The following SEMA3A variants were observed in gnomAD, a reference collection of about 807,000 sequenced individuals.
SEMA3A encodes the protein semaphorin-3A.
Under a neutral mutation model 97.9 loss-of-function variants are expected in SEMA3A, and 29 were observed. That is an observed-to-expected ratio of 0.30 (90% CI 0.22 to 0.40). The LOEUF (loss-of-function observed/expected upper bound fraction) is 0.40. Among genes scored for constraint, SEMA3A ranks in the 10% least tolerant of loss-of-function variants. The probability of loss-of-function intolerance (pLI) is 1.00; values close to 1 mark genes in which losing one functional copy is unlikely to be tolerated. For synonymous variants in SEMA3A, 321 were observed against 323.7 expected, an observed-to-expected ratio of 0.99 and a Z score of 0.09; for missense variants, 763 against 951.3, an observed-to-expected ratio of 0.80 and a Z score of 2.60.
intron 3 of SEMA3A, among the ~76,000 whole-genome samples, chr7:84,267,310 C>T (rs935938218): frequency 1.3e-5 from 2 of 152,244 alleles, no homozygotes; most frequent in South Asian, 4.1e-4. Context: ...TTTCATGACT[C>T]TCTTACCCTT....
At chr7:84,027,834 AAT>A (rs145288200) in intron 6 of SEMA3A, among the ~76,000 whole-genome samples, 7,296 of 152,236 alleles carry the variant, frequency 0.048, 282 homozygotes, top group East Asian at 0.19. Context: ...TTATAAAGAT[AAT>A]AGAGCTGATA....
Position 83,961,323 on chromosome 7 carries a change from T to G in SEMA3A, c.*48A>C. On this transcript the variant is annotated 3_prime_UTR_variant, in exon 17 of 17. Coordinates refer to ENST00000265362, the MANE Select transcript of SEMA3A (RefSeq NM_006080.3). ...ATATTGCATTTGTTTTTCCAGTTAT[T>G]GTCTAGGCAAGTTTCTACTTGTTTG... 1 of 1,458,836 alleles carries G rather than the reference T, an allele frequency of 6.9e-7. No homozygotes were observed. The highest frequency in any genetic ancestry group is 2.3e-5 in the East Asian group (1 of 44,108). 90.4% of individuals were successfully genotyped at this position (1,458,836 alleles called of 1,614,324 possible).
intron 3 of SEMA3A, among the ~76,000 whole-genome samples, chr7:84,228,458 C>T (rs537184281): frequency 6.6e-6 from 1 of 152,074 alleles, no homozygotes; most frequent in Non-Finnish European, 1.5e-5. Context: ...ATTTGCCCAT[C>T]CAAAACCTCT....
chr7:84,085,681 TA>T (rs995272649), intron 4 of SEMA3A, among the ~76,000 whole-genome samples: 42 of 152,314 alleles, frequency 2.8e-4, no homozygotes, highest in African/African-American at 1.0e-3. Context: ...TAATTTCCTC[TA>T]AAACACCCTT....
intron 4 of SEMA3A, among the ~76,000 whole-genome samples, chr7:84,109,014 A>C (rs12707613): frequency 0.49 from 73,808 of 151,538 alleles, 19,129 homozygotes; most frequent in East Asian, 0.7. Flanking sequence ...TCATGTAAAA[A>C]GTGCAATATC....
chr7:84,449,529 T>C (rs1358428939), intron 1 of SEMA3A, among the ~76,000 whole-genome samples: 2 of 152,124 alleles, frequency 1.3e-5, no homozygotes, highest in Non-Finnish European at 2.9e-5. Flanking sequence ...AATAAGAGGA[T>C]ATAGTGAACA....
chr7:84,014,119 T>G, intron 7 of SEMA3A, 90 bp downstream of exon 7: 1 of 1,041,012 alleles, frequency 9.6e-7, no homozygotes, highest in Admixed American at 2.4e-5. Flanking sequence ...CCATAATTTT[T>G]ATTGTATATG....
At chr7:84,138,060 T>C (rs1409711383) in intron 1 of SEMA3A, among the ~76,000 whole-genome samples, 1 of 152,126 alleles carries the variant, frequency 6.6e-6, no homozygotes, top group African/African-American at 2.4e-5. Flanking sequence ...TGAAATTAGA[T>C]AATGCCTATA....
chr7:84,094,269 C>T (rs749597186), intron 4 of SEMA3A, among the ~76,000 whole-genome samples: 3 of 151,812 alleles, frequency 2.0e-5, no homozygotes, highest in East Asian at 1.9e-4. Flanking sequence ...TTGAGGCAAA[C>T]GTCCTTCTTT....
chr7:84,057,722 A>G (rs1010471420), intron 5 of SEMA3A, among the ~76,000 whole-genome samples: 1 of 151,648 alleles, frequency 6.6e-6, no homozygotes, highest in Non-Finnish European at 1.5e-5. Context: ...CTGAGATGCC[A>G]CTGCACTCCA....
At chr7:84,112,151 T>A (rs537442815) in intron 3 of SEMA3A, among the ~76,000 whole-genome samples, 168 of 152,308 alleles carry the variant, frequency 1.1e-3, no homozygotes, top group African/African-American at 3.8e-3. Context: ...AAGAAGCCAT[T>A]TTCAGGAAAA....
At chr7:84,274,410 G>A (rs2115716078) in intron 3 of SEMA3A, among the ~76,000 whole-genome samples, 1 of 152,146 alleles carries the variant, frequency 6.6e-6, no homozygotes, top group South Asian at 2.1e-4. Flanking sequence ...AAAGAGAGTA[G>A]AGAAAAGTAC....
chr7:83,964,489 C>T (rs6963635), intron 15 of SEMA3A, among the ~76,000 whole-genome samples: 21,141 of 152,086 alleles, frequency 0.14, 1,995 homozygotes, highest in Non-Finnish European at 0.21. Flanking sequence ...TGATGATTTG[C>T]TCTCACTAGG....
intron 1 of SEMA3A, among the ~76,000 whole-genome samples, chr7:84,408,236 A>G (rs563723902): frequency 2.2e-4 from 33 of 152,356 alleles, no homozygotes; most frequent in African/African-American, 7.9e-4. Flanking sequence ...GGTGAAGGAT[A>G]TGAACAGACG....
chr7:84,241,986 T>G (rs1299929805), intron 3 of SEMA3A, among the ~76,000 whole-genome samples: 7 of 152,160 alleles, frequency 4.6e-5, no homozygotes, highest in Admixed American at 4.6e-4. Flanking sequence ...CATTGGTCTA[T>G]ATATCTGTTT....
intron 2 of SEMA3A, among the ~76,000 whole-genome samples, chr7:84,342,122 G>A (rs1338214371): frequency 6.6e-6 from 1 of 151,718 alleles, no homozygotes; most frequent in Admixed American, 6.6e-5. Context: ...CGCAAGCTTC[G>A]CCTCCTGGAT....
At chr7:84,059,107 C>G (rs1793113173) in intron 5 of SEMA3A, among the ~76,000 whole-genome samples, 1 of 152,118 alleles carries the variant, frequency 6.6e-6, no homozygotes, top group African/African-American at 2.4e-5. Context: ...TAAGTTCATA[C>G]AAAATATGAC....
At chr7:84,399,386 C>T (rs1039995398) in intron 1 of SEMA3A, among the ~76,000 whole-genome samples, 2 of 152,160 alleles carry the variant, frequency 1.3e-5, no homozygotes, top group Non-Finnish European at 2.9e-5. Flanking sequence ...TGAATGAGCC[C>T]TGGTGCCACA....
intron 2 of SEMA3A, among the ~76,000 whole-genome samples, chr7:84,349,787 T>G (rs185900600): frequency 2.6e-4 from 40 of 152,308 alleles, no homozygotes; most frequent in East Asian, 1.7e-3. Flanking sequence ...TTAGCTTGTC[T>G]TAGAATAAGT....
Sources: gnomAD v4.1 joint callset for allele counts (sites outside exome capture counted in the v4.1 genomes callset) on GRCh38, gnomAD v4.1.1 for gene constraint, MANE v1.5 for transcripts, NCBI Gene and HGNC (gene_info 2026-07-23, HGNC 2026-07-21) for gene names.